The following STPG2 variants were observed in gnomAD, a reference collection of about 807,000 sequenced individuals.
The protein encoded by STPG2 is sperm tail PG-rich repeat containing 2, also known as sperm-tail PG-rich repeat-containing protein 2.
STPG2 carries 56 observed loss-of-function variants against 54.2 expected under a neutral mutation model. The ratio of observed to expected loss-of-function variants is 1.03; its 90% CI spans 0.83 to 1.29. The LOEUF is 1.29. Ranked by LOEUF, STPG2 falls within the 50% of genes most tolerant of loss-of-function variation. STPG2 has a pLI of 0.00. For missense variants in STPG2, 596 were observed against 544.9 expected (o/e 1.09, Z -0.93); for synonymous variants, 200 against 181.8 (o/e 1.10, Z -0.81).
At chr4:97,735,924 C>T (rs1247305701) in intron 9 of STPG2, among the ~76,000 whole-genome samples, 1 of 151,854 alleles carries the variant, frequency 6.6e-6, no homozygotes, top group Non-Finnish European at 1.5e-5. Flanking sequence ...TGCAAATGGC[C>T]AATGGATATA....
At chr4:97,628,173 T>C (rs750006461) in intron 10 of STPG2, among the ~76,000 whole-genome samples, 1 of 152,128 alleles carries the variant, frequency 6.6e-6, no homozygotes, top group Non-Finnish European at 1.5e-5. Context: ...GTGTGTAGTA[T>C]AGTCAGGCAA....
At chr4:97,887,157 C>G (rs115219121) in intron 8 of STPG2, among the ~76,000 whole-genome samples, 1 of 151,996 alleles carries the variant, frequency 6.6e-6, no homozygotes, top group East Asian at 1.9e-4. Context: ...AAAATTGGAA[C>G]CAGAAGTGGG....
chr4:98,000,289 A>T (rs563406753), intron 5 of STPG2, among the ~76,000 whole-genome samples: 1 of 152,226 alleles, frequency 6.6e-6, no homozygotes, highest in African/African-American at 2.4e-5. Context: ...ACAAACTTAT[A>T]AGCAACTTAA....
intron 3 of STPG2, among the ~76,000 whole-genome samples, chr4:98,124,176 A>T (rs952593287): frequency 2.6e-5 from 4 of 152,142 alleles, no homozygotes; most frequent in Non-Finnish European, 5.9e-5. Flanking sequence ...GTCCATTTAC[A>T]TTTAAGGTTA....
chr4:98,102,810 A>C (rs1739082117), intron 5 of STPG2, among the ~76,000 whole-genome samples: 1 of 137,436 alleles, frequency 7.3e-6, no homozygotes, highest in Non-Finnish European at 1.6e-5. Flanking sequence ...TAATATTGTC[A>C]TAATATATAT....
At chr4:97,451,130 C>T (rs951417741) in intron 4 of STPG2, among the ~76,000 whole-genome samples, 4 of 152,070 alleles carry the variant, frequency 2.6e-5, no homozygotes, top group Non-Finnish European at 4.4e-5. Flanking sequence ...AGGGTCAAGA[C>T]TTTACGAACT....
chr4:97,576,020 C>T (rs1455840787), intron 10 of STPG2, among the ~76,000 whole-genome samples: 1 of 151,852 alleles, frequency 6.6e-6, no homozygotes, highest in Non-Finnish European at 1.5e-5. Context: ...ACCATAGCCA[C>T]ATGCATAAAA....
intron 8 of STPG2, among the ~76,000 whole-genome samples, chr4:97,942,473 T>C (rs2149230645): frequency 6.9e-6 from 1 of 145,870 alleles, no homozygotes; most frequent in African/African-American, 2.5e-5. Context: ...GTAAAGAATA[T>C]TGCTAGATGA....
intron 9 of STPG2, among the ~76,000 whole-genome samples, chr4:97,742,958 C>T (rs7681599): frequency 0.42 from 64,109 of 151,050 alleles, 14,131 homozygotes; most frequent in Admixed American, 0.54. Context: ...TGTTAATTGG[C>T]TTCACTGTAA....
intron 4 of STPG2, among the ~76,000 whole-genome samples, chr4:97,497,165 GAAAAT>G (rs1173148193): frequency 6.6e-6 from 1 of 151,498 alleles, no homozygotes; most frequent in African/African-American, 2.4e-5. Flanking sequence ...AATCAAAACA[GAAAAT>G]AACACAAGCA....
chr4:98,109,702 T>C (rs1193209739), intron 3 of STPG2, among the ~76,000 whole-genome samples: 1 of 152,092 alleles, frequency 6.6e-6, no homozygotes, highest in Admixed American at 6.6e-5. Flanking sequence ...ACTAAACAGA[T>C]TGAAAAAATG....
At chr4:97,543,163 C>G (rs1731758936) in intron 4 of STPG2, among the ~76,000 whole-genome samples, 1 of 150,480 alleles carries the variant, frequency 6.6e-6, no homozygotes, top group Non-Finnish European at 1.5e-5. Context: ...AAATAAAGAC[C>G]AGTAAATCCT....
At chr4:97,683,305 T>C (rs888713379) in intron 10 of STPG2, among the ~76,000 whole-genome samples, 6 of 151,776 alleles carry the variant, frequency 4.0e-5, no homozygotes, top group African/African-American at 1.4e-4. Context: ...ACTCCTCTAA[T>C]TGCATCAATT....
intron 10 of STPG2, among the ~76,000 whole-genome samples, chr4:97,615,335 C>A (rs1322384669): frequency 6.6e-6 from 1 of 151,872 alleles, no homozygotes; most frequent in Non-Finnish European, 1.5e-5. Context: ...TTTTCATGAA[C>A]TTTTTGAAAA....
At chr4:97,484,078 G>A (rs1157720925) in intron 4 of STPG2, among the ~76,000 whole-genome samples, 1 of 149,344 alleles carries the variant, frequency 6.7e-6, no homozygotes, top group Non-Finnish European at 1.5e-5. Context: ...CAAAGGTGGT[G>A]CTAGGAGGAA....
intron 8 of STPG2, among the ~76,000 whole-genome samples, chr4:97,941,138 C>T (rs1270065190): frequency 6.6e-6 from 1 of 152,008 alleles, no homozygotes; most frequent in Non-Finnish European, 1.5e-5. Flanking sequence ...CATCTCCTAG[C>T]CTTGAAATGC....
chr4:97,443,137 T>A (rs756972174), intron 4 of STPG2, among the ~76,000 whole-genome samples: 1 of 152,124 alleles, frequency 6.6e-6, no homozygotes, highest in Non-Finnish European at 1.5e-5. Context: ...GGCCAGAAAT[T>A]TGGTGAGAAT....
chr4:97,453,116 G>A (rs1296188388), intron 4 of STPG2, among the ~76,000 whole-genome samples: 3 of 152,208 alleles, frequency 2.0e-5, no homozygotes, highest in Non-Finnish European at 4.4e-5. Flanking sequence ...CCAGACTTGG[G>A]AGCTCCCTGA....
chr4:97,928,829 T>C (rs1029083990), intron 8 of STPG2, among the ~76,000 whole-genome samples: 4 of 152,122 alleles, frequency 2.6e-5, no homozygotes. Flanking sequence ...TTCTGTCTTA[T>C]AATTAAGTCT....
Sources: gnomAD v4.1 joint callset for allele counts (sites outside exome capture counted in the v4.1 genomes callset) on GRCh38, gnomAD v4.1.1 for gene constraint, MANE v1.5 for transcripts, NCBI Gene and HGNC (gene_info 2026-07-23, HGNC 2026-07-21) for gene names.